The following MAPK10 variants were observed in gnomAD, a reference collection of about 807,000 sequenced individuals.
MAPK10 encodes the protein mitogen-activated protein kinase 10, also known as JNK3 alpha protein kinase.
In MAPK10, 25 loss-of-function variants were observed where a neutral mutation model predicts 59.3. The observed-to-expected ratio is 0.42, with a 90% confidence interval of 0.31 to 0.59. The LOEUF is 0.59. MAPK10 is among the 20% of genes least tolerant of loss of function. The pLI, the probability that MAPK10 is intolerant of heterozygous loss-of-function variation, is 0.15. For missense variants in MAPK10, 351 were observed against 568.9 expected (o/e 0.62, Z 3.90); for synonymous variants, 190 against 200.5 (o/e 0.95, Z 0.44).
Position 86,566,390 on chromosome 4 carries a change from T to A in MAPK10, c.-263+27520A>T, listed in dbSNP as rs565944655. ...AATATGAGTTCTTTTCAGAGAAGCA[T>A]CCTGTTTCCTTCCTATATTCACCAG... is the stretch of plus-strand genomic sequence containing the variant. On this transcript the variant is annotated intron_variant, in intron 1 of 4. Transcript: ENST00000502302. Among the ~76,000 whole-genome samples the A allele has an allele frequency of 1.5e-3, 221 of 152,284 alleles. 2 individuals are homozygous for A. Among genetic ancestry groups the A allele is most frequent in the African/African-American group, 5.0e-3 (209 of 41,556 alleles).
At chr4:86,355,318 A>G (rs1206927302) in intron 1 of MAPK10, among the ~76,000 whole-genome samples, 1 of 151,944 alleles carries the variant, frequency 6.6e-6, no homozygotes, top group African/African-American at 2.4e-5. Flanking sequence ...CCCAAGTAAG[A>G]GTTTCTTTCC....
At chr4:86,433,313 C>G (rs905143102) in intron 1 of MAPK10, among the ~76,000 whole-genome samples, 1 of 152,116 alleles carries the variant, frequency 6.6e-6, no homozygotes, top group African/African-American at 2.4e-5. Flanking sequence ...AGGCCCCACT[C>G]TGAGGTTTTA....
chr4:86,420,384 A>G (rs911945867), intron 1 of MAPK10, among the ~76,000 whole-genome samples: 1 of 152,348 alleles, frequency 6.6e-6, no homozygotes, highest in East Asian at 1.9e-4. Context: ...GAACTTTTAT[A>G]TTAGCCATAG....
At chr4:86,185,624 G>C (rs1407259116) in intron 3 of MAPK10, among the ~76,000 whole-genome samples, 1 of 152,138 alleles carries the variant, frequency 6.6e-6, no homozygotes, top group Non-Finnish European at 1.5e-5. Flanking sequence ...GTGGGCAAAA[G>C]TAGAAGCTCT....
At chr4:86,294,296 C>T (rs2095302765) in intron 2 of MAPK10, among the ~76,000 whole-genome samples, 1 of 152,158 alleles carries the variant, frequency 6.6e-6, no homozygotes, top group African/African-American at 2.4e-5. Context: ...TTGCTCTGCA[C>T]TTGAATCCTT....
intron 1 of MAPK10, chr4:86,357,981 G>C (rs1735375483): frequency 3.2e-6 from 2 of 624,596 alleles, no homozygotes; most frequent in Middle Eastern, 8.2e-4. Flanking sequence ...CCCATTGTAG[G>C]GGAGAGAAAA....
At chr4:86,287,077 G>T (rs1465001287) in intron 2 of MAPK10, among the ~76,000 whole-genome samples, 2 of 152,144 alleles carry the variant, frequency 1.3e-5, no homozygotes, top group Non-Finnish European at 2.9e-5. Context: ...AGAATGATTT[G>T]CTTGAGGTGT....
At chr4:86,073,487 G>C (rs1476299887) in intron 9 of MAPK10, among the ~76,000 whole-genome samples, 1 of 134,744 alleles carries the variant, frequency 7.4e-6, no homozygotes, top group Non-Finnish European at 1.7e-5. Context: ...TGTGATGTTA[G>C]GGTGTCAATT....
At chr4:86,097,735 T>C (rs2054512989) in intron 9 of MAPK10, among the ~76,000 whole-genome samples, 1 of 152,128 alleles carries the variant, frequency 6.6e-6, no homozygotes, top group Non-Finnish European at 1.5e-5. Context: ...GTACCTTTAC[T>C]AGAGAGTGAA....
At chr4:86,583,269 C>T (rs567910820) in intron 1 of MAPK10, among the ~76,000 whole-genome samples, 13 of 152,114 alleles carry the variant, frequency 8.5e-5, no homozygotes, top group South Asian at 4.2e-4. Context: ...GTGATCTGCC[C>T]GCCTCGGCCT....
chr4:86,443,642 A>G (rs983854431), intron 1 of MAPK10, among the ~76,000 whole-genome samples: 1 of 152,016 alleles, frequency 6.6e-6, no homozygotes, highest in African/African-American at 2.4e-5. Context: ...CACAAAACGC[A>G]TCTTACCACC....
intron 11 of MAPK10, among the ~76,000 whole-genome samples, chr4:86,047,565 C>T (rs1378515567): frequency 6.6e-6 from 1 of 152,154 alleles, no homozygotes; most frequent in Admixed American, 6.6e-5. Flanking sequence ...ATCACTAGCA[C>T]CTTTTAGTGT....
At chr4:86,425,123 G>C (rs1435388014) in intron 1 of MAPK10, among the ~76,000 whole-genome samples, 1 of 152,160 alleles carries the variant, frequency 6.6e-6, no homozygotes, top group African/African-American at 2.4e-5. Flanking sequence ...GTCAAGCAAA[G>C]AAAGAATCAA....
At chr4:86,497,970 A>C (rs1004585498) in intron 1 of MAPK10, among the ~76,000 whole-genome samples, 2 of 152,108 alleles carry the variant, frequency 1.3e-5, no homozygotes, top group Non-Finnish European at 2.9e-5. Context: ...ACTTCTCTTC[A>C]AGGGTAAAGA....
intron 4 of MAPK10, among the ~76,000 whole-genome samples, chr4:86,146,414 G>A (rs566273311): frequency 6.6e-6 from 1 of 152,290 alleles, no homozygotes; most frequent in Admixed American, 6.5e-5. Context: ...CTGGATTTAG[G>A]AGGATGATAG....
At chr4:86,341,544 C>T (rs2148939295) in intron 2 of MAPK10, among the ~76,000 whole-genome samples, 1 of 152,198 alleles carries the variant, frequency 6.6e-6, no homozygotes, top group East Asian at 1.9e-4. Flanking sequence ...ATGGTTAGGA[C>T]AAACTTTTTA....
Position 86,431,542 on chromosome 4 carries a change from G to A in MAPK10, c.-122+21488C>T, listed in dbSNP as rs143936873. ...ATACAAAATCCTAAATATAGAAATAGTATTTAATTTGGCTTAACCCAGTGT... is the reference window on the plus strand; with the variant it reads ...ATACAAAATCCTAAATATAGAAATAATATTTAATTTGGCTTAACCCAGTGT... On this transcript the variant is annotated intron_variant, in intron 1 of 13. Transcript: ENST00000361569. Among the ~76,000 whole-genome samples the A allele has an allele frequency of 4.6e-5, 7 of 152,268 alleles. No individual in the cohort carries two copies. The East Asian group carries it at 1.3e-3, about 29-fold the overall frequency.
At chr4:86,184,000 T>C (rs1326796129) in intron 3 of MAPK10, among the ~76,000 whole-genome samples, 1 of 152,206 alleles carries the variant, frequency 6.6e-6, no homozygotes, top group Non-Finnish European at 1.5e-5. Context: ...TGTATTTTTC[T>C]TGTAAATTTG....
intron 1 of MAPK10, among the ~76,000 whole-genome samples, chr4:86,464,570 C>T (rs1752026165): frequency 6.6e-6 from 1 of 152,106 alleles, no homozygotes; most frequent in African/African-American, 2.4e-5. Flanking sequence ...GCCTGTAATC[C>T]CAGCACTTTC....
Sources: gnomAD v4.1 joint callset for allele counts (sites outside exome capture counted in the v4.1 genomes callset) on GRCh38, gnomAD v4.1.1 for gene constraint, MANE v1.5 for transcripts, NCBI Gene and HGNC (gene_info 2026-07-23, HGNC 2026-07-21) for gene names.